PVT1: variants seen among roughly 807,000 people sequenced by gnomAD.
PVT1 encodes Pvt1 oncogene.
At chr8:127,842,015 C>T (rs188453307) in intron 2 of PVT1, among the ~76,000 whole-genome samples, 3 of 151,956 alleles carry the variant, frequency 2.0e-5, no homozygotes, top group East Asian at 3.9e-4. Flanking sequence ...TGAGCCACTG[C>T]GCCTGGCTAA....
At chr8:127,806,413 A>T (rs1046944347) in intron 2 of PVT1, among the ~76,000 whole-genome samples, 4 of 152,118 alleles carry the variant, frequency 2.6e-5, no homozygotes, top group African/African-American at 9.7e-5. Context: ...GTGAACCCAG[A>T]TCTTGCCACT....
intron 2 of PVT1, among the ~76,000 whole-genome samples, chr8:127,878,238 A>G (rs1815427743): frequency 6.6e-6 from 1 of 152,158 alleles, no homozygotes; most frequent in Non-Finnish European, 1.5e-5. Context: ...AACAGTGTTC[A>G]TGACTCTTCT....
intron 3 of PVT1, among the ~76,000 whole-genome samples, chr8:127,966,234 G>C (rs1469182823): frequency 6.6e-6 from 1 of 152,176 alleles, no homozygotes; most frequent in Non-Finnish European, 1.5e-5. Context: ...ATTTACCTGG[G>C]TTATGGAGTC....
intron 3 of PVT1, among the ~76,000 whole-genome samples, chr8:127,951,957 A>G (rs1816510395): frequency 6.6e-6 from 1 of 151,924 alleles, no homozygotes; most frequent in African/African-American, 2.4e-5. Flanking sequence ...CTGGGATTAC[A>G]GGTATATGCC....
intron 2 of PVT1, among the ~76,000 whole-genome samples, chr8:127,868,803 G>GTATATATATATGTATA (rs1440189326): frequency 2.6e-4 from 14 of 54,614 alleles, no homozygotes; most frequent in East Asian, 5.1e-4. Flanking sequence ...ACATATATAT[G>GTATATATATATGTATA]TACATATATA....
chr8:127,876,401 G>A (rs1006092241), intron 2 of PVT1, among the ~76,000 whole-genome samples: 2 of 148,592 alleles, frequency 1.3e-5, no homozygotes, highest in Admixed American at 6.6e-5. Flanking sequence ...ATTCTGACAG[G>A]TTTTTATTTT....
intron 3 of PVT1, among the ~76,000 whole-genome samples, chr8:127,944,751 G>T (rs985116051): frequency 6.6e-6 from 1 of 152,114 alleles, no homozygotes; most frequent in African/African-American, 2.4e-5. Flanking sequence ...AGTCAGCCCG[G>T]CCCCTTTGAA....
At chr8:128,017,184 G>C (rs1321858479) in intron 4 of PVT1, among the ~76,000 whole-genome samples, 1 of 152,132 alleles carries the variant, frequency 6.6e-6, no homozygotes, top group Non-Finnish European at 1.5e-5. Flanking sequence ...CTCAAATCCC[G>C]ACATTTCTAA....
intron 2 of PVT1, among the ~76,000 whole-genome samples, chr8:127,871,219 A>T (rs941639008): frequency 6.6e-6 from 1 of 152,220 alleles, no homozygotes; most frequent in African/African-American, 2.4e-5. Context: ...TGGGACAGGG[A>T]CACTGCGTAT....
At chr8:128,090,055 A>G (rs1390955547) in intron 5 of PVT1, among the ~76,000 whole-genome samples, 1 of 152,246 alleles carries the variant, frequency 6.6e-6, no homozygotes. Flanking sequence ...AATTGTGTTG[A>G]ATTCAGTTCT....
intron 5 of PVT1, among the ~76,000 whole-genome samples, chr8:128,087,322 T>C (rs1446418963): frequency 1.3e-5 from 2 of 152,204 alleles, no homozygotes; most frequent in African/African-American, 4.8e-5. Flanking sequence ...ATCAGTCTCT[T>C]TAGATGTCTT....
At chr8:127,870,212 A>G (rs1393649217) in intron 2 of PVT1, among the ~76,000 whole-genome samples, 1 of 152,198 alleles carries the variant, frequency 6.6e-6, no homozygotes, top group East Asian at 1.9e-4. Flanking sequence ...GGGACATAGG[A>G]AAGAAGGATT....
intron 6 of PVT1, among the ~76,000 whole-genome samples, chr8:128,098,687 C>T (rs1341424917): frequency 6.6e-6 from 1 of 152,206 alleles, no homozygotes; most frequent in Non-Finnish European, 1.5e-5. Context: ...ACTTTGTAAG[C>T]ACTCGGTGTG....
At chr8:127,965,764 G>C (rs1079225) in intron 3 of PVT1, among the ~76,000 whole-genome samples, 24,213 of 152,092 alleles carry the variant, frequency 0.16, 2,141 homozygotes, top group South Asian at 0.29. Flanking sequence ...AACAGAGTCA[G>C]GTGTTGGGTG....
intron 4 of PVT1, among the ~76,000 whole-genome samples, chr8:128,028,669 T>G (rs76498705): frequency 2.2e-3 from 331 of 152,208 alleles, no homozygotes; most frequent in Middle Eastern, 0.01. Flanking sequence ...ACCGGCACAG[T>G]GAAGGGTGAT....
intron 2 of PVT1, among the ~76,000 whole-genome samples, chr8:127,887,733 GC>G (rs1350743468): frequency 1.3e-5 from 2 of 151,836 alleles, no homozygotes; most frequent in Non-Finnish European, 2.9e-5. Flanking sequence ...CACCACGTTG[GC>G]CAGTCTGGTC....
chr8:128,058,041 C>T (rs562904961), intron 4 of PVT1, among the ~76,000 whole-genome samples: 23 of 152,168 alleles, frequency 1.5e-4, no homozygotes, highest in African/African-American at 5.5e-4. Flanking sequence ...AGCTGGGGCT[C>T]CTCTCTGCAA....
At chr8:127,834,267 C>T (rs146781202) in intron 2 of PVT1, among the ~76,000 whole-genome samples, 29 of 152,226 alleles carry the variant, frequency 1.9e-4, no homozygotes, top group Non-Finnish European at 3.7e-4. Flanking sequence ...AATAATACCA[C>T]ACATCTACAA....
chr8:127,817,413 T>C (rs1273355765), intron 2 of PVT1, among the ~76,000 whole-genome samples: 1 of 109,122 alleles, frequency 9.2e-6, no homozygotes, highest in East Asian at 2.2e-4. Context: ...ATAATATATA[T>C]TTAAATAGAT....
Sources: allele counts gnomAD v4.1 joint callset (sites outside exome capture counted in the v4.1 genomes callset), GRCh38; gene constraint gnomAD v4.1.1; transcripts MANE v1.5; gene names NCBI Gene and HGNC (gene_info 2026-07-23, HGNC 2026-07-21).